Variants in OSBPL10 observed in about 807,000 individuals in gnomAD.
OSBPL10 encodes the protein oxysterol binding protein like 10, also known as oxysterol-binding protein-related protein 10.
OSBPL10 carries 49 observed loss-of-function variants against 81.7 expected under a neutral mutation model. The observed-to-expected ratio is 0.60, with a 90% CI of 0.48 to 0.76. OSBPL10 has a LOEUF of 0.76. OSBPL10 is among the 30% of genes least tolerant of loss of function. The pLI is 0.00. For missense variants in OSBPL10, 923 were observed against 987.8 expected (o/e 0.93, Z 0.88); for synonymous variants, 419 against 383.6 (o/e 1.09, Z -1.08).
At chr3:31,703,382 A>G (rs910981253) in intron 6 of OSBPL10, among the ~76,000 whole-genome samples, 4 of 152,228 alleles carry the variant, frequency 2.6e-5, no homozygotes. Flanking sequence ...CACTCTGCAC[A>G]GAACATTATA....
chr3:32,076,237 G>A lies in OSBPL10; in HGVS notation n.185+1159C>T, dbSNP rs112671960. Among the ~76,000 whole-genome samples the A allele has an allele frequency of 1.4e-3, 208 of 152,146 alleles. 1 individual carries two copies. The highest frequency in any genetic ancestry group is 0.01 in the Middle Eastern group (3 of 294). On this transcript the variant is annotated intron_variant and non_coding_transcript_variant, in intron 1 of 3. Transcript: ENST00000479173. ...TCAAAAATTAGCCAGGCAAGGTGGC[G>A]AGCACCTGTAGTCCCAGCTACTCAG...
chr3:32,070,229 C>A (rs572541811), intron 1 of OSBPL10, among the ~76,000 whole-genome samples: 4 of 152,258 alleles, frequency 2.6e-5, no homozygotes, highest in Admixed American at 2.6e-4. Flanking sequence ...GTTTTCCTTG[C>A]CCCCATAACT....
rs114019836 is a variant in OSBPL10 at position 31,923,657 on chromosome 3, C to T, written c.282-43827G>A. Among the ~76,000 whole-genome samples, 419 of 152,238 alleles carry T rather than the reference C, an allele frequency of 2.8e-3. 5 individuals carry two copies. Among genetic ancestry groups the T allele is most frequent in the African/African-American group, 9.6e-3 (397 of 41,538 alleles). On this transcript the variant is annotated intron_variant, in intron 1 of 11. Transcript: ENST00000396556. ...ATTTTTAAAAATAGCTGATTTGGTG[C>T]ACACCTGTAGTCCTACCTACTCAGG...
chr3:31,777,197 A>C lies in OSBPL10; in HGVS notation c.730-29077T>G, dbSNP rs148466840. ...GCAGCACTGAACAGCACATCAGATG[A>C]CATGCCCCTGGCTCATCTTTGCCCA... On this transcript the variant is annotated intron_variant, in intron 4 of 11. Transcript: ENST00000396556. Among the ~76,000 whole-genome samples, 424 of 152,362 alleles carry C rather than the reference A, an allele frequency of 2.8e-3. 3 individuals carry two copies. Among genetic ancestry groups the C allele is most frequent in the African/African-American group, 9.7e-3 (404 of 41,590 alleles).
intron 1 of OSBPL10, among the ~76,000 whole-genome samples, chr3:32,051,652 T>C (rs576827712): frequency 6.6e-6 from 1 of 152,348 alleles, no homozygotes; most frequent in East Asian, 1.9e-4. Context: ...GCCTGCTTAC[T>C]AGGTCCTAGA....
At chr3:31,672,770 A>G (rs7653736) in intron 8 of OSBPL10, among the ~76,000 whole-genome samples, 1 of 151,676 alleles carries the variant, frequency 6.6e-6, no homozygotes, top group African/African-American at 2.4e-5. Flanking sequence ...CTAGTATGTG[A>G]TTAGGGGCCT....
At chr3:32,021,075 T>C (rs747544934) in intron 2 of OSBPL10, among the ~76,000 whole-genome samples, 7 of 152,050 alleles carry the variant, frequency 4.6e-5, no homozygotes, top group Admixed American at 3.3e-4. Context: ...AAAACACCAG[T>C]TCTGTTGGAT....
chr3:31,998,973 T>C (rs1699118065), intron 2 of OSBPL10, among the ~76,000 whole-genome samples: 3 of 152,202 alleles, frequency 2.0e-5, no homozygotes, highest in Non-Finnish European at 2.9e-5. Flanking sequence ...TTTGCATTCA[T>C]AAGAAAACAC....
chr3:31,664,083 T>C lies in OSBPL10; in HGVS notation c.2246A>G (p.Gln749Arg). Residue 749 changes from glutamine (Q) to arginine (R), a missense_variant, in exon 11 of 12, where the codon CAG (glutamine) becomes CGG (arginine). Around this residue, in one of 3 missense-constraint regions of OSBPL10, gnomAD observed 387 missense variants for 436.3 expected, o/e 0.89. Coordinates refer to ENST00000396556, the MANE Select transcript of OSBPL10 (RefSeq NM_017784.5). ...AATGACAGGCGGCAGAGTTACCTCCTGGATAAAATATTTGGGCTTCCATGG... is the reference window on the plus strand; with the variant it reads ...AATGACAGGCGGCAGAGTTACCTCCCGGATAAAATATTTGGGCTTCCATGG... ...RTPWKPKYFIQEGDGWVYFNP... is the reference protein window; with the variant it reads ...RTPWKPKYFIREGDGWVYFNP... 2 of 1,614,110 alleles carry C rather than the reference T, an allele frequency of 1.2e-6. No homozygotes were observed. Among genetic ancestry groups the C allele is most frequent in the Non-Finnish European group, 8.5e-7 (1 of 1,180,016 alleles).
chr3:31,731,729 C>T (rs1221361486), intron 6 of OSBPL10, among the ~76,000 whole-genome samples: 1 of 152,152 alleles, frequency 6.6e-6, no homozygotes, highest in Admixed American at 6.6e-5. Flanking sequence ...CCTCGTGATC[C>T]GTCTGCCTCA....
At chr3:32,006,688 T>C (rs1699208212) in intron 2 of OSBPL10, among the ~76,000 whole-genome samples, 1 of 152,234 alleles carries the variant, frequency 6.6e-6, no homozygotes, top group African/African-American at 2.4e-5. Context: ...GTTGCCTTTC[T>C]CCACTGACTT....
chr3:31,826,340 T>C (rs1334054669), intron 4 of OSBPL10, among the ~76,000 whole-genome samples: 1 of 152,250 alleles, frequency 6.6e-6, no homozygotes, highest in African/African-American at 2.4e-5. Flanking sequence ...AGAGAGAATA[T>C]GTCTGTTCCT....
chr3:31,747,916 C>T lies in OSBPL10; in HGVS notation c.934G>A (p.Ala312Thr), dbSNP rs777497137. 1 of 1,613,440 alleles carries T rather than the reference C, an allele frequency of 6.2e-7. No homozygotes were observed. Among genetic ancestry groups the T allele is most frequent in the East Asian group, 2.2e-5 (1 of 44,880 alleles). ...QAGQPSQKPG[A>T]SENILGWHGS... ...AAGCCCCCGGGGGTCTTACCCGAGG[C>T]TCCTGGCTTCTGGCTGGGCTGGCCC... Residue 312 changes from alanine to threonine, a missense_variant, in exon 5 of 12, where the codon GCC becomes ACC. This residue lies in a region of OSBPL10 where 514 missense variants were observed against 508.0 expected (regional missense o/e 1.01). Coordinates refer to ENST00000396556, the MANE Select transcript of OSBPL10 (RefSeq NM_017784.5).
At chr3:31,827,796 A>AT (rs1314299076) in intron 4 of OSBPL10, among the ~76,000 whole-genome samples, 4 of 152,132 alleles carry the variant, frequency 2.6e-5, no homozygotes, top group Non-Finnish European at 5.9e-5. Flanking sequence ...TTCTTTATAC[A>AT]TTTTTTGCAA....
intron 3 of OSBPL10, among the ~76,000 whole-genome samples, chr3:31,872,192 T>C (rs1416244813): frequency 2.7e-5 from 4 of 150,806 alleles, no homozygotes; most frequent in East Asian, 1.9e-4. Context: ...TTTTGTCTGT[T>C]TGTCAGTTTC....
intron 1 of OSBPL10, among the ~76,000 whole-genome samples, chr3:31,899,074 G>C (rs1188006495): frequency 9.4e-6 from 1 of 106,714 alleles, no homozygotes; most frequent in African/African-American, 3.6e-5. Flanking sequence ...CTATCAAGTA[G>C]CTGGGACTAT....
intron 1 of OSBPL10, among the ~76,000 whole-genome samples, chr3:31,927,210 A>G (rs1293810069): frequency 6.6e-6 from 1 of 152,028 alleles, no homozygotes; most frequent in African/African-American, 2.4e-5. Context: ...ATAAATTAAA[A>G]CTATTCATTA....
intron 4 of OSBPL10, among the ~76,000 whole-genome samples, chr3:31,824,380 G>T (rs1700052604): frequency 6.6e-6 from 1 of 152,154 alleles, no homozygotes; most frequent in African/African-American, 2.4e-5. Flanking sequence ...TAAGCGCCTT[G>T]ACGTGAGTCT....
At chr3:31,990,268 C>A in intron 2 of OSBPL10, 1 of 1,614,024 alleles carries the variant, frequency 6.2e-7, no homozygotes, top group Non-Finnish European at 8.5e-7. Context: ...TATAGGGAAA[C>A]TTTATAAATG....
Sources: gnomAD v4.1 joint callset for allele counts (sites outside exome capture counted in the v4.1 genomes callset) on GRCh38, gnomAD v4.1.1 for gene constraint, gnomAD v4.1.1 regional missense constraint, MANE v1.5 for transcripts, NCBI Gene and HGNC (gene_info 2026-07-23, HGNC 2026-07-21) for gene names.